The following PALLD variants were observed in gnomAD, a reference collection of about 807,000 sequenced individuals.
PALLD encodes the protein palladin.
In PALLD, 61 loss-of-function variants were observed where a neutral mutation model predicts 123.5. That is an observed-to-expected ratio of 0.49 (90% confidence interval 0.40 to 0.61). The LOEUF (loss-of-function observed/expected upper bound fraction) is 0.61, where lower values mean the gene tolerates loss of function less well. Among genes scored for constraint, PALLD ranks in the 20% least tolerant of loss-of-function variants. The pLI, the probability that PALLD is intolerant of heterozygous loss-of-function variation, is 0.00. For synonymous variants in PALLD, 465 were observed against 496.4 expected, an observed-to-expected ratio of 0.94 and a Z score of 0.84; for missense variants, 1,273 against 1,377.0, an observed-to-expected ratio of 0.92 and a Z score of 1.20.
chr4:168,536,421 C>T (rs1765089123), intron 2 of PALLD: 1 of 152,238 alleles, frequency 6.6e-6, no homozygotes, highest in African/African-American at 2.4e-5. Context: ...CCTTTTGAAA[C>T]ATTCTAGCAT....
In PALLD at chr4:168,497,070, C is replaced by A. The variant is rs1760824835; in HGVS notation, c.-207C>A. On this transcript the variant is annotated 5_prime_UTR_variant, in exon 1 of 22. Transcript: ENST00000505667. ...TGAGGCCACAGTTGCCTCAAAGTGA[C>A]CACGGACCAGGCAGTCTCTAATGAA... The A allele has an allele frequency of 6.6e-6, 1 of 152,026 alleles. No individual in the cohort carries two copies. Among genetic ancestry groups the A allele is most frequent in the South Asian group, 2.1e-4 (1 of 4,824 alleles). 9.4% of individuals were successfully genotyped at this position (152,026 alleles called of 1,614,324 possible). A position where few individuals can be genotyped will look rare whatever the true frequency, so the allele number is the denominator to read the frequency against.
At chr4:168,749,953 T>TC (rs1730824899) in intron 10 of PALLD, among the ~76,000 whole-genome samples, 1 of 147,170 alleles carries the variant, frequency 6.8e-6, no homozygotes, top group South Asian at 2.1e-4. Context: ...AGTTTCCACT[T>TC]TTTTTTTTTT....
chr4:168,684,788 G>A (rs1406362086), intron 5 of PALLD, among the ~76,000 whole-genome samples: 1 of 152,050 alleles, frequency 6.6e-6, no homozygotes, highest in African/African-American at 2.4e-5. Context: ...GATGTCCTGT[G>A]GCATATTTAG....
intron 10 of PALLD, chr4:168,755,692 C>G (rs1020284474): frequency 3.3e-5 from 5 of 152,208 alleles, no homozygotes; most frequent in African/African-American, 1.2e-4. Flanking sequence ...CTGGAGGTAG[C>G]GAGAAAGCCA....
chr4:168,681,540 A>ATTTTTTT lies in PALLD; in HGVS notation c.1154+159_1154+165dup, dbSNP rs34328020. ...GATCAAATACTGAGGTTGGAACACA[A>ATTTTTTT]TTTTTTTTTTTTTTTTTTTTTTTGA... On this transcript the variant is annotated intron_variant, in intron 4 of 21. Coordinates refer to ENST00000505667, the MANE Select transcript of PALLD (RefSeq NM_001166108.2). The ATTTTTTT allele has an allele frequency of 5.2e-4, 176 of 340,288 alleles. 4 individuals are homozygous for ATTTTTTT. Among genetic ancestry groups the ATTTTTTT allele is most frequent in the African/African-American group, 4.2e-3 (133 of 31,652 alleles). The allele number at this position is 340,288 out of a possible 1,614,324, so 21.1% of individuals were successfully genotyped here.
At chr4:168,760,744 G>A (rs1338495694) in intron 10 of PALLD, among the ~76,000 whole-genome samples, 1 of 152,176 alleles carries the variant, frequency 6.6e-6, no homozygotes, top group African/African-American at 2.4e-5. Flanking sequence ...CCAGCTAAGG[G>A]AAACCAAGAA....
At chr4:168,919,353 G>A (rs1016667570) in intron 17 of PALLD, among the ~76,000 whole-genome samples, 8 of 152,006 alleles carry the variant, frequency 5.3e-5, no homozygotes, top group East Asian at 3.9e-4. Flanking sequence ...GTGAAACCCC[G>A]TCTCTACTAA....
rs1776961711 is a variant in PALLD at position 168,641,672 on chromosome 4, G to A, written c.909-26518G>A. On this transcript the variant is annotated intron_variant, in intron 2 of 21. Coordinates refer to ENST00000505667, the MANE Select transcript of PALLD (RefSeq NM_001166108.2). The stretch of plus-strand genomic sequence containing the variant: ...TTTGTCGGCCTCGGCTGCTCCAGAT[G>A]AGAAAGCCTATCTCCCTAAGGCCTT... 3.3e-5 allele frequency among the ~76,000 whole-genome samples: 5 copies of A among 152,150 alleles called. No individual in the cohort carries two copies. In the South Asian group the frequency reaches 6.2e-4, roughly 19 times the overall value.
At chr4:168,757,596 G>A (rs1323218875) in intron 10 of PALLD, among the ~76,000 whole-genome samples, 1 of 152,216 alleles carries the variant, frequency 6.6e-6, no homozygotes, top group Admixed American at 6.5e-5. Context: ...GAAATCTCAG[G>A]ACAGTTCCAT....
At chr4:168,910,242 G>A (rs1214340033) in intron 15 of PALLD, among the ~76,000 whole-genome samples, 1 of 66,770 alleles carries the variant, frequency 1.5e-5, no homozygotes, top group Admixed American at 1.6e-4. Context: ...TTTTTTTTTT[G>A]AGAGGGGAGG....
intron 3 of PALLD, among the ~76,000 whole-genome samples, chr4:168,677,725 C>G (rs963234154): frequency 3.9e-5 from 6 of 152,152 alleles, no homozygotes; most frequent in Non-Finnish European, 7.3e-5. Flanking sequence ...CAGGGTTTCT[C>G]AGCTCCCTGC....
intron 2 of PALLD, among the ~76,000 whole-genome samples, chr4:168,641,701 A>T (rs919225063): frequency 6.6e-6 from 1 of 152,168 alleles, no homozygotes. Flanking sequence ...AGGCCTTTCC[A>T]GATGCCGCTG....
At chr4:168,775,190 C>T (rs775372332) in intron 10 of PALLD, among the ~76,000 whole-genome samples, 1 of 152,178 alleles carries the variant, frequency 6.6e-6, no homozygotes, top group Non-Finnish European at 1.5e-5. Context: ...TTCTCCACAT[C>T]CTAGTCTGCA....
At chr4:168,577,627 G>T (rs1326870515) in intron 2 of PALLD, among the ~76,000 whole-genome samples, 2 of 152,184 alleles carry the variant, frequency 1.3e-5, no homozygotes, top group Admixed American at 6.5e-5. Flanking sequence ...GGAGTCAAGA[G>T]TAGAGAGGCA....
chr4:168,912,350 T>C (rs1759146474), intron 15 of PALLD, among the ~76,000 whole-genome samples: 2 of 152,246 alleles, frequency 1.3e-5, no homozygotes, highest in African/African-American at 4.8e-5. Context: ...TTTTCCTCTC[T>C]TGCTGTTACC....
chr4:168,707,386 G>A (rs1360960491), intron 8 of PALLD, among the ~76,000 whole-genome samples: 1 of 152,176 alleles, frequency 6.6e-6, no homozygotes, highest in African/African-American at 2.4e-5. Context: ...GTCTCAGTGC[G>A]GCCATGGTCA....
chr4:168,804,282 T>C (rs1739806512), intron 10 of PALLD, among the ~76,000 whole-genome samples: 1 of 152,232 alleles, frequency 6.6e-6, no homozygotes, highest in Admixed American at 6.5e-5. Flanking sequence ...GGGATATGGC[T>C]CCATATATTT....
At chr4:168,671,327 A>G (rs6810614) in intron 3 of PALLD, among the ~76,000 whole-genome samples, 15,527 of 152,186 alleles carry the variant, frequency 0.1, 929 homozygotes, top group Admixed American at 0.12. Flanking sequence ...CAGGTACTGA[A>G]TATGAGAAAA....
chr4:168,887,473 G>A (rs757186739), intron 10 of PALLD, among the ~76,000 whole-genome samples: 12 of 152,168 alleles, frequency 7.9e-5, no homozygotes, highest in Non-Finnish European at 1.6e-4. Context: ...CATTTGTGCT[G>A]AGAACACAGC....
Sources: gnomAD v4.1 joint callset for allele counts (sites outside exome capture counted in the v4.1 genomes callset) on GRCh38, gnomAD v4.1.1 for gene constraint, MANE v1.5 for transcripts, NCBI Gene and HGNC (gene_info 2026-07-23, HGNC 2026-07-21) for gene names.